The following LGALS12 variants were observed in gnomAD, a reference collection of about 807,000 sequenced individuals.
LGALS12 encodes galectin-12.
In LGALS12, 36 loss-of-function variants were observed where a neutral mutation model predicts 36.8. The observed-to-expected ratio is 0.98, with a 90% CI of 0.75 to 1.29. LGALS12 has a LOEUF of 1.29. LGALS12 is among the 50% of genes most tolerant of loss of function. The pLI is 0.00. For synonymous variants in LGALS12, 145 were observed against 155.9 expected, an observed-to-expected ratio of 0.93 and a Z score of 0.52; for missense variants, 366 against 394.3, an observed-to-expected ratio of 0.93 and a Z score of 0.61.
intron 7 of LGALS12, among the ~76,000 whole-genome samples, chr11:63,515,110 G>A: frequency 6.6e-6 from 1 of 152,222 alleles, no homozygotes; most frequent in East Asian, 1.9e-4. Context: ...CAAGGTCACA[G>A]GACTAGAAAG....
At chr11:63,513,972 A>G (rs547419321) in intron 7 of LGALS12, among the ~76,000 whole-genome samples, 2 of 152,336 alleles carry the variant, frequency 1.3e-5, no homozygotes, top group South Asian at 2.1e-4. Context: ...CGCAGGCCAG[A>G]GGAAGACACA....
chr11:63,506,409 G>C lies in LGALS12; in HGVS notation c.-50G>C. 3.7e-6 allele frequency: 6 copies of C among 1,614,204 alleles called. No homozygotes were observed. The highest frequency in any genetic ancestry group is 5.1e-6 in the Non-Finnish European group (6 of 1,180,028). On this transcript the variant is annotated 5_prime_UTR_variant, in exon 1 of 9. Coordinates refer to ENST00000394618, the MANE Select transcript of LGALS12 (RefSeq NM_033101.4). ...CTGGGGCAGATGAGTCAGCCCAGTG[G>C]GGGCAGGGCTCCTGGAACGAGGATC...
At chr11:63,508,705 G>C in intron 2 of LGALS12, 64 bp downstream of exon 2, 4 of 1,613,390 alleles carry the variant, frequency 2.5e-6, no homozygotes, top group Middle Eastern at 1.7e-4. Context: ...GAGCTGGAGG[G>C]CTCCTCCCTG....
Position 63,506,526 on chromosome 11 carries a change from C to T in LGALS12, c.68C>T (p.Pro23Leu), listed in dbSNP as rs573543348. 33 of 1,614,188 alleles carry T rather than the reference C, an allele frequency of 2.0e-5. No individual in the cohort carries two copies. The highest frequency in any genetic ancestry group is 1.1e-4 in the East Asian group (5 of 44,882). Reference protein sequence around the residue: ...SFILQPPVFHPVVPYVTTIFG... With the variant: ...SFILQPPVFHLVVPYVTTIFG... ...ATTCTGCAACCACCAGTCTTCCACCCGGTGAGTTGTCACTCTAATGTGGAA... is the reference window on the plus strand; with the variant it reads ...ATTCTGCAACCACCAGTCTTCCACCTGGTGAGTTGTCACTCTAATGTGGAA... Residue 23 changes from proline to leucine, a missense_variant and splice_region_variant, in exon 1 of 9, where the codon CCG (proline) becomes CTG (leucine). Coordinates refer to ENST00000394618, the MANE Select transcript of LGALS12 (RefSeq NM_033101.4).
rs901052135 is a variant in LGALS12, at chr11:63,515,787, T to TCA, written c.798+74_798+75insCA. ...TGAAGTCCCATAATGACCTGGGAGA[T>TCA]GCTGGGGCAGGTGTGCAGGACAGAT... On this transcript the variant is annotated intron_variant, in intron 8 of 8. Transcript: ENST00000394618. 2.0e-5 allele frequency: 30 copies of TCA among 1,521,550 alleles called. No homozygotes were observed. In the African/African-American group the frequency reaches 4.1e-4, roughly 21 times the overall value. 94.3% of individuals were successfully genotyped at this position (1,521,550 alleles called of 1,614,324 possible).
In LGALS12 at chr11:63,508,939, G is replaced by A. The variant is rs576738968; in HGVS notation, c.320G>A (p.Arg107Gln). Residue 107 changes from arginine (R) to glutamine (Q), a missense_variant, in exon 3 of 9, where the codon CGA (arginine) becomes CAA (glutamine). Coordinates refer to ENST00000394618, the MANE Select transcript of LGALS12 (RefSeq NM_033101.4). ...REARWPHLAL[R>Q]RGSSFLILFL... ...GCCCGGTGGCCCCACCTGGCCCTGCGAAGAGGCTCCAGCTTCCTCATCCTC... is the reference window on the plus strand; with the variant it reads ...GCCCGGTGGCCCCACCTGGCCCTGCAAAGAGGCTCCAGCTTCCTCATCCTC... The A allele has an allele frequency of 2.0e-5, 32 of 1,614,218 alleles. No individual in the cohort carries two copies. The East Asian group carries it at 4.5e-4, about 22-fold the overall frequency.
rs571843338 is a variant in LGALS12 at position 63,511,001 on chromosome 11, T to G, written c.532-78T>G. ...GAGACAAGCCCCAAATATTCCCAAT[T>G]TGTTAGAATAACAAGAGTTTCCCTT... On this transcript the variant is annotated intron_variant, in intron 5 of 8. Coordinates refer to ENST00000394618, the MANE Select transcript of LGALS12 (RefSeq NM_033101.4). 2.8e-5 allele frequency: 40 copies of G among 1,449,544 alleles called. No individual in the cohort carries two copies. The East Asian group carries it at 7.0e-4, about 25-fold the overall frequency. 89.8% of individuals were successfully genotyped at this position (1,449,544 alleles called of 1,614,324 possible).
Position 63,508,977 on chromosome 11 carries a change from A to C in LGALS12, c.358A>C (p.Asn120His). 6.2e-7 allele frequency: 1 copy of C among 1,613,906 alleles called. No individual in the cohort carries two copies. The highest frequency in any genetic ancestry group is 8.5e-7 in the Non-Finnish European group (1 of 1,179,790). Residue 120 changes from asparagine to histidine, a missense_variant, in exon 3 of 9, where the codon AAT becomes CAT. Physicochemically the swap from Asn to His is moderately conservative, Grantham distance 68. Transcript: ENST00000394618. Reference sequence around the variant, plus strand: ...CTTCCTCATCCTCTTTCTCTTCGGGAATGAGGAAGTGAAGGTGAAGGAAGG... The same window carrying C: ...CTTCCTCATCCTCTTTCTCTTCGGGCATGAGGAAGTGAAGGTGAAGGAAGG... The part of the protein sequence containing the change: ...SSFLILFLFG[N>H]EEVKVSVNGQ...
rs1242271281 is a variant in LGALS12 at position 63,509,841 on chromosome 11, A to G, written c.436A>G (p.Thr146Ala). The G allele has an allele frequency of 4.3e-6, 7 of 1,613,994 alleles. No individual in the cohort carries two copies. In the African/African-American group the frequency reaches 8.0e-5, roughly 18 times the overall value. ...CCGGCTCCCACTGTCTCATGTGGAC[A>G]CGCTGGGTATATTTGGTGACATCCT... ...RYRLPLSHVD[T>A]LGIFGDILVE... The change falls in exon 4 of 9, where the codon ACG (threonine) becomes GCG (alanine). Residue 146 changes from threonine to alanine, a missense_variant. Transcript: ENST00000394618.
chr11:63,510,459 A>G lies in LGALS12; in HGVS notation c.493-4A>G. 1 of 1,614,088 alleles carries G rather than the reference A, an allele frequency of 6.2e-7. No individual in the cohort carries two copies. Among genetic ancestry groups the G allele is most frequent in the Non-Finnish European group, 8.5e-7 (1 of 1,179,970 alleles). The stretch of plus-strand genomic sequence containing the variant: ...TGCTGATTCTTTTCTCTCTTTCTGA[A>G]CAGCCATTTGTGGAGGGCAGCAGAG... On this transcript the variant is annotated splice_region_variant and splice_polypyrimidine_tract_variant and intron_variant, in intron 4 of 8. Coordinates refer to ENST00000394618, the MANE Select transcript of LGALS12 (RefSeq NM_033101.4).
intron 1 of LGALS12, among the ~76,000 whole-genome samples, chr11:63,507,571 G>C: frequency 6.6e-6 from 1 of 152,058 alleles, no homozygotes; most frequent in Non-Finnish European, 1.5e-5. Context: ...TGAGCAAAAT[G>C]CCCTGGGAGC....
chr11:63,515,538 T>C (rs1258037533), intron 7 of LGALS12, 25 bp from the exon 8 acceptor site: 1 of 1,612,324 alleles, frequency 6.2e-7, no homozygotes, highest in Non-Finnish European at 8.5e-7. Flanking sequence ...CGCTGATTCC[T>C]TCTCCTTCCT....
chr11:63,508,340 T>C (rs1293538959), intron 1 of LGALS12: 3 of 1,415,624 alleles, frequency 2.1e-6, no homozygotes, highest in South Asian at 1.5e-5. Context: ...TTGACTTCTC[T>C]GGTGTAATGC....
At chr11:63,513,006 C>T (rs1303567756) in intron 7 of LGALS12, among the ~76,000 whole-genome samples, 3 of 152,044 alleles carry the variant, frequency 2.0e-5, no homozygotes, top group East Asian at 3.8e-4. Flanking sequence ...AAACCCTTGC[C>T]CTGCACACTG....
chr11:63,515,731 G>T lies in LGALS12; in HGVS notation c.798+18G>T, dbSNP rs2017060977. ...TCTTTGAGGTAGGTCAGAGCCAAAT[G>T]ATTACATCCCTTCAGGCTGGAGCAC... On this transcript the variant is annotated intron_variant, in intron 8 of 8. Coordinates refer to ENST00000394618, the MANE Select transcript of LGALS12 (RefSeq NM_033101.4). The T allele has an allele frequency of 1.9e-6, 3 of 1,612,614 alleles. No individual in the cohort carries two copies. Among genetic ancestry groups the T allele is most frequent in the Non-Finnish European group, 2.5e-6 (3 of 1,179,212 alleles).
rs756938031 is a variant in LGALS12, at chr11:63,510,503, T to A, written c.531+2T>A. On this transcript the variant is annotated splice_donor_variant, in intron 5 of 8. Transcript: ENST00000394618. LOFTEE classifies it high-confidence loss of function. The stretch of plus-strand genomic sequence containing the variant: ...AGCAGAGAGTACCCAGCTGGACATG[T>A]GAGTTTCTTGGCAGCAAGGTCTGAG... 1 of 1,613,380 alleles carries A rather than the reference T, an allele frequency of 6.2e-7. No homozygotes were observed. The highest frequency in any genetic ancestry group is 8.5e-7 in the Non-Finnish European group (1 of 1,179,802).
chr11:63,511,191 C>T (rs1463652861), intron 6 of LGALS12, 86 bp downstream of exon 6: 9 of 1,281,466 alleles, frequency 7.0e-6, no homozygotes, highest in Middle Eastern at 1.8e-4. Flanking sequence ...AGGACATGCC[C>T]CCAGCCTCAG....
At chr11:63,510,285 A>C (rs2016878769) in intron 4 of LGALS12, among the ~76,000 whole-genome samples, 178 bp from the exon 5 acceptor site, 1 of 152,222 alleles carries the variant, frequency 6.6e-6, no homozygotes, top group Non-Finnish European at 1.5e-5. Context: ...TGATTCAGTA[A>C]GTCCAAGGTG....
At chr11:63,509,697 G>T (rs2016856348) in intron 3 of LGALS12, 81 bp from the exon 4 acceptor site, 4 of 1,518,906 alleles carry the variant, frequency 2.6e-6, no homozygotes, top group Non-Finnish European at 2.7e-6. Context: ...TGAGGAAAAA[G>T]TGCTTGGCAA....
Sources: gnomAD v4.1 joint callset for allele counts (sites outside exome capture counted in the v4.1 genomes callset) on GRCh38, gnomAD v4.1.1 for gene constraint, MANE v1.5 for transcripts, NCBI Gene and HGNC (gene_info 2026-07-23, HGNC 2026-07-21) for gene names.